Variants in SUMO2 observed in about 807,000 individuals in gnomAD.
SUMO2 encodes the protein small ubiquitin like modifier 2, also known as small ubiquitin-related modifier 2.
SUMO2 carries 1 observed loss-of-function variant against 16.0 expected under a neutral mutation model. The observed-to-expected ratio is 0.06, with a 90% CI of 0.02 to 0.30. The LOEUF is 0.30. SUMO2 is among the 10% of genes least tolerant of loss of function. The pLI is 1.00. For missense variants in SUMO2, 16 were observed against 117.5 expected (o/e 0.14, Z 3.99); for synonymous variants, 36 against 40.6 (o/e 0.89, Z 0.43).
chr17:75,180,595 G>A (rs969224911), intron 2 of SUMO2, among the ~76,000 whole-genome samples: 3 of 151,650 alleles, frequency 2.0e-5, no homozygotes, highest in Non-Finnish European at 4.4e-5. Context: ...GTGGGCACCT[G>A]TAATCCCAGA....
chr17:75,173,906 G>C (rs2074761470), intron 3 of SUMO2, among the ~76,000 whole-genome samples: 1 of 152,164 alleles, frequency 6.6e-6, no homozygotes, highest in Non-Finnish European at 1.5e-5. Context: ...AGAACAAAAT[G>C]AAGTGGTACA....
chr17:75,181,006 G>A, intron 2 of SUMO2, 51 bp downstream of exon 2: 1 of 1,604,276 alleles, frequency 6.2e-7, no homozygotes, highest in Non-Finnish European at 8.5e-7. Context: ...ATGAAAATAA[G>A]ATTTTTAAAA....
At chr17:75,177,975 C>T (rs1284504103) in intron 2 of SUMO2, among the ~76,000 whole-genome samples, 9 of 111,684 alleles carry the variant, frequency 8.1e-5, no homozygotes, top group East Asian at 5.6e-4. Flanking sequence ...ACCGACAAAG[C>T]GAGACTCCGT....
intron 3 of SUMO2, among the ~76,000 whole-genome samples, chr17:75,172,108 T>C (rs2074744277): frequency 6.6e-6 from 1 of 151,116 alleles, no homozygotes; most frequent in Non-Finnish European, 1.5e-5. Context: ...GTCTGACACC[T>C]TTCCCCCGCC....
At chr17:75,177,684 A>G (rs1456576566) in intron 2 of SUMO2, among the ~76,000 whole-genome samples, 2 of 151,450 alleles carry the variant, frequency 1.3e-5, no homozygotes, top group Admixed American at 6.6e-5. Flanking sequence ...TCCATCTTAA[A>G]AAAAAAAAAG....
At chr17:75,178,293 A>G (rs1225709366) in intron 2 of SUMO2, among the ~76,000 whole-genome samples, 1 of 151,710 alleles carries the variant, frequency 6.6e-6, no homozygotes, top group Non-Finnish European at 1.5e-5. Flanking sequence ...AAGCAGGCGG[A>G]TCACGAGGTC....
intron 2 of SUMO2, among the ~76,000 whole-genome samples, chr17:75,179,045 C>A (rs1024407289): frequency 1.3e-5 from 2 of 152,132 alleles, no homozygotes; most frequent in African/African-American, 4.8e-5. Context: ...GATTACCACG[C>A]CCAGCCTATG....
At chr17:75,180,842 GCA>G (rs2074823625) in intron 2 of SUMO2, among the ~76,000 whole-genome samples, 1 of 151,946 alleles carries the variant, frequency 6.6e-6, no homozygotes, top group Non-Finnish European at 1.5e-5. Flanking sequence ...TGGATTTCTG[GCA>G]CAGGACTGGA....
At chr17:75,178,197 A>T (rs1470433309) in intron 2 of SUMO2, among the ~76,000 whole-genome samples, 1 of 151,494 alleles carries the variant, frequency 6.6e-6, no homozygotes, top group Non-Finnish European at 1.5e-5. Flanking sequence ...CAATTGCAGA[A>T]AAGTTAAATA....
At chr17:75,182,219 T>A (rs1358956058) in intron 1 of SUMO2, among the ~76,000 whole-genome samples, 1 of 152,028 alleles carries the variant, frequency 6.6e-6, no homozygotes, top group Non-Finnish European at 1.5e-5. Flanking sequence ...CTGAGGCTAT[T>A]AAAGTGGGAA....
rs1308869924 is a variant in SUMO2, at chr17:75,168,419, A to C, written c.226-18T>G. ...ATTTCCAACTAGCATAAAAGAAAAAACAAATGTAAAAGCACTGATTAAGTT... is the reference window on the plus strand; with the variant it reads ...ATTTCCAACTAGCATAAAAGAAAAACCAAATGTAAAAGCACTGATTAAGTT... On this transcript the variant is annotated intron_variant, in intron 3 of 3. Transcript: ENST00000420826. 6.3e-7 allele frequency: 1 copy of C among 1,596,656 alleles called. No homozygotes were observed.
At chr17:75,176,824 G>T (rs2074785907) in intron 2 of SUMO2, among the ~76,000 whole-genome samples, 1 of 152,082 alleles carries the variant, frequency 6.6e-6, no homozygotes, top group African/African-American at 2.4e-5. Context: ...CTTGCACATA[G>T]TAGGTGCTGC....
At chr17:75,178,818 G>C (rs1374524000) in intron 2 of SUMO2, among the ~76,000 whole-genome samples, 1 of 151,854 alleles carries the variant, frequency 6.6e-6, no homozygotes, top group Non-Finnish European at 1.5e-5. Context: ...GAGGCGGGTG[G>C]TTCACGAGGT....
rs2074695464 is a variant in SUMO2, at chr17:75,166,648, T to C, written c.*1691A>G. ...TAAAAAATACAAGAATTAGCTGTGG[T>C]GGCATGCACCTGCGGTTCTAGCTAC... On this transcript the variant is annotated 3_prime_UTR_variant, in exon 4 of 4. Coordinates refer to ENST00000420826, the MANE Select transcript of SUMO2 (RefSeq NM_006937.4). The C allele has an allele frequency of 6.6e-6, 1 of 152,166 alleles. No individual in the cohort carries two copies. Among genetic ancestry groups the C allele is most frequent in the South Asian group, 2.1e-4 (1 of 4,826 alleles). The allele number at this position is 152,166 out of a possible 1,614,324, so 9.4% of individuals were successfully genotyped here. A position where few individuals can be genotyped will look rare whatever the true frequency, so the allele number is the denominator to read the frequency against.
chr17:75,181,509 A>C (rs2074828515), intron 1 of SUMO2, among the ~76,000 whole-genome samples: 1 of 152,156 alleles, frequency 6.6e-6, no homozygotes, highest in Non-Finnish European at 1.5e-5. Context: ...TATCACTCCC[A>C]AAATACTTTA....
chr17:75,172,660 A>G (rs2074750687), intron 3 of SUMO2, among the ~76,000 whole-genome samples: 1 of 151,692 alleles, frequency 6.6e-6, no homozygotes, highest in African/African-American at 2.4e-5. Flanking sequence ...TTTTTAGTAG[A>G]GACGGGGTTT....
chr17:75,180,944 T>A, intron 2 of SUMO2, 113 bp downstream of exon 2: 1 of 1,258,688 alleles, frequency 7.9e-7, no homozygotes, highest in Non-Finnish European at 1.1e-6. Context: ...GCCAAGTGCA[T>A]ATTCATCCCA....
chr17:75,177,639 G>A (rs2145223739), intron 2 of SUMO2, among the ~76,000 whole-genome samples: 1 of 151,660 alleles, frequency 6.6e-6, no homozygotes, highest in Non-Finnish European at 1.5e-5. Context: ...CCTAGATTGC[G>A]CCATTGCATT....
chr17:75,173,583 T>C (rs1467542992), intron 3 of SUMO2, among the ~76,000 whole-genome samples: 1 of 151,246 alleles, frequency 6.6e-6, no homozygotes, highest in African/African-American at 2.4e-5. Flanking sequence ...CAAGCAATCC[T>C]TCCACCTCAC....
Sources: gnomAD v4.1 joint callset for allele counts (sites outside exome capture counted in the v4.1 genomes callset) on GRCh38, gnomAD v4.1.1 for gene constraint, MANE v1.5 for transcripts, NCBI Gene and HGNC (gene_info 2026-07-23, HGNC 2026-07-21) for gene names.